PLEKHA3: variants seen among roughly 807,000 people sequenced by gnomAD.
The protein encoded by PLEKHA3 is pleckstrin homology domain containing A3.
Under a neutral mutation model 39.2 loss-of-function variants are expected in PLEKHA3, and 19 were observed. That is an observed-to-expected ratio of 0.48 (90% CI 0.34 to 0.71). The LOEUF (loss-of-function observed/expected upper bound fraction) is 0.71. Ranked by LOEUF, PLEKHA3 falls within the 30% of genes least tolerant of loss-of-function variation. PLEKHA3 has a pLI of 0.01. For synonymous variants in PLEKHA3, 97 were observed against 118.6 expected (o/e 0.82, Z 1.18); for missense variants, 253 against 359.5 (o/e 0.70, Z 2.40).
chr2:178,488,054 G>A (rs528837332), intron 2 of PLEKHA3, among the ~76,000 whole-genome samples: 1 of 151,892 alleles, frequency 6.6e-6, no homozygotes, highest in South Asian at 2.1e-4. Context: ...CAGGCAGATC[G>A]CTTGTGCTCA....
intron 5 of PLEKHA3, among the ~76,000 whole-genome samples, chr2:178,495,999 C>G (rs1461237529): frequency 1.3e-5 from 2 of 151,992 alleles, no homozygotes; most frequent in Middle Eastern, 3.2e-3. Flanking sequence ...AAGAATTACA[C>G]AATGGAATGA....
At chr2:178,488,360 T>C (rs1416320274) in intron 2 of PLEKHA3, among the ~76,000 whole-genome samples, 1 of 152,274 alleles carries the variant, frequency 6.6e-6, no homozygotes, top group Non-Finnish European at 1.5e-5. Context: ...ATTTCTTTTA[T>C]TGGATCCTTT....
At chr2:178,487,139 G>A (rs1685262894) in intron 2 of PLEKHA3, among the ~76,000 whole-genome samples, 1 of 152,178 alleles carries the variant, frequency 6.6e-6, no homozygotes, top group Non-Finnish European at 1.5e-5. Context: ...TAAAAGGTAA[G>A]TGGGGGGATT....
chr2:178,499,242 G>C lies in PLEKHA3; in HGVS notation c.647G>C (p.Cys216Ser), dbSNP rs143664011. Residue 216 changes from cysteine (C) to serine (S), a missense_variant, in exon 6 of 8, where the codon TGC (cysteine) becomes TCC (serine). Physicochemically the swap from Cys to Ser is moderately radical, Grantham distance 112. Coordinates refer to ENST00000234453, the MANE Select transcript of PLEKHA3 (RefSeq NM_019091.4). ...CGTTCTGTCAGCCACCCTGGTTCTT[G>C]CAGTTCAGAGAGGTAAAAGAACCTT... ...MKRSVSHPGS[C>S]SSERSSHSIK... 9 of 1,606,826 alleles carry C rather than the reference G, an allele frequency of 5.6e-6. No individual in the cohort carries two copies. In the African/African-American group the frequency reaches 1.2e-4, roughly 22 times the overall value.
chr2:178,489,484 G>A (rs1264604989), intron 2 of PLEKHA3, among the ~76,000 whole-genome samples: 1 of 128,136 alleles, frequency 7.8e-6, no homozygotes, highest in African/African-American at 3.0e-5. Context: ...TTGAGACAGG[G>A]TCTTGCTCTG....
In PLEKHA3 at chr2:178,511,954, C is replaced by G. The variant is rs1347834691; in HGVS notation, c.*8067C>G. 1 of 152,158 alleles carries G rather than the reference C, an allele frequency of 6.6e-6. No homozygotes were observed. The highest frequency in any genetic ancestry group is 1.5e-5 in the Non-Finnish European group (1 of 68,042). The allele number at this position is 152,158 out of a possible 1,614,324, so 9.4% of individuals were successfully genotyped here. ...CTTCCCCAAAAAGTTTTTTGTTGGT[C>G]TCTTTGGTAATAAAACATTTAGAGC... On this transcript the variant is annotated 3_prime_UTR_variant, in exon 8 of 8. Transcript: ENST00000234453.
At chr2:178,502,181 TTTA>T (rs1685536836) in intron 7 of PLEKHA3, among the ~76,000 whole-genome samples, 1 of 151,942 alleles carries the variant, frequency 6.6e-6, no homozygotes. Flanking sequence ...ATATGGCAAT[TTTA>T]AAAAGGATTG....
At position 178,506,637 on chromosome 2, in the gene PLEKHA3, C is replaced by A. The variant is rs1685603758; in HGVS notation, c.*2750C>A. 2.0e-5 allele frequency: 3 copies of A among 152,090 alleles called. No homozygotes were observed. The highest frequency in any genetic ancestry group is 1.3e-4 in the Admixed American group (2 of 15,268). The allele number at this position is 152,090 out of a possible 1,614,324, so 9.4% of individuals were successfully genotyped here. ...ATGCGCCCTTGTGATATGTTAATAC[C>A]AGATTGCTGTTTACACTAATTCCAT... On this transcript the variant is annotated 3_prime_UTR_variant, in exon 8 of 8. Coordinates refer to ENST00000234453, the MANE Select transcript of PLEKHA3 (RefSeq NM_019091.4).
rs996412366 is a variant in PLEKHA3, at chr2:178,506,733, T to G, written c.*2846T>G. The G allele has an allele frequency of 1.3e-5, 2 of 152,238 alleles. No homozygotes were observed. Among genetic ancestry groups the G allele is most frequent in the African/African-American group, 4.8e-5 (2 of 41,456 alleles). 9.4% of individuals were successfully genotyped at this position (152,238 alleles called of 1,614,324 possible). The stretch of plus-strand genomic sequence containing the variant: ...TAATAAGGCACCTCTAGGTCTGTAC[T>G]TTGAGCCTTGATCTGGGTACTTGGT... On this transcript the variant is annotated 3_prime_UTR_variant, in exon 8 of 8. Coordinates refer to ENST00000234453, the MANE Select transcript of PLEKHA3 (RefSeq NM_019091.4).
At chr2:178,497,188 A>G (rs1440612669) in intron 5 of PLEKHA3, among the ~76,000 whole-genome samples, 1 of 150,796 alleles carries the variant, frequency 6.6e-6, no homozygotes, top group Non-Finnish European at 1.5e-5. Context: ...CCCGTTATAT[A>G]TATACACAAA....
chr2:178,486,119 A>G (rs1685247493), intron 2 of PLEKHA3, among the ~76,000 whole-genome samples: 1 of 152,218 alleles, frequency 6.6e-6, no homozygotes, highest in Non-Finnish European at 1.5e-5. Context: ...CTGAACTCTA[A>G]AGATGATGGG....
chr2:178,502,157 G>A (rs979297940), intron 7 of PLEKHA3, among the ~76,000 whole-genome samples: 13 of 151,458 alleles, frequency 8.6e-5, no homozygotes, highest in African/African-American at 3.1e-4. Flanking sequence ...AAGTTAAACA[G>A]GTTTAGTTCA....
chr2:178,505,900 TTTGTTGTTA>T lies in PLEKHA3; in HGVS notation c.*2019_*2027del, dbSNP rs1157967641. ...CTTTTGTTATGACTTGGAGCCACTT[TTTGTTGTTA>T]TTGTTAGGAACCAAACACATCTGTG... On this transcript the variant is annotated 3_prime_UTR_variant, in exon 8 of 8. Transcript: ENST00000234453. 6.6e-6 allele frequency: 1 copy of T among 152,126 alleles called. No individual in the cohort carries two copies. The highest frequency in any genetic ancestry group is 2.4e-5 in the African/African-American group (1 of 41,438). 9.4% of individuals were successfully genotyped at this position (152,126 alleles called of 1,614,324 possible).
At chr2:178,495,750 G>A (rs2154127844) in intron 5 of PLEKHA3, 90 bp downstream of exon 5, 1 of 1,391,536 alleles carries the variant, frequency 7.2e-7, no homozygotes. Flanking sequence ...AAGGGTGGAA[G>A]CAGGCAGTTG....
intron 7 of PLEKHA3, chr2:178,502,443 G>A (rs1032202389): frequency 8.6e-6 from 3 of 347,752 alleles, no homozygotes; most frequent in Middle Eastern, 3.9e-4. Flanking sequence ...GAGGAGGAGG[G>A]TTAAAGAGGT....
chr2:178,503,897 A>C lies in PLEKHA3; in HGVS notation c.*10A>C, dbSNP rs998257239. The C allele has an allele frequency of 2.0e-5, 33 of 1,610,678 alleles. No individual in the cohort carries two copies. Among genetic ancestry groups the C allele is most frequent in the Non-Finnish European group, 2.7e-5 (32 of 1,177,654 alleles). On this transcript the variant is annotated 3_prime_UTR_variant, in exon 8 of 8. Transcript: ENST00000234453. ...ATCCTTCTCTTCCTGAAGAAACTGA[A>C]GTGTCCAACTTCCTCTAAGTATTGC...
intron 7 of PLEKHA3, among the ~76,000 whole-genome samples, chr2:178,501,807 G>A (rs1288601031): frequency 6.6e-6 from 1 of 151,898 alleles, no homozygotes; most frequent in East Asian, 1.9e-4. Flanking sequence ...CACAAATATA[G>A]TCTTATTATT....
chr2:178,502,647 C>A (rs1685542366), intron 7 of PLEKHA3, among the ~76,000 whole-genome samples: 1 of 150,798 alleles, frequency 6.6e-6, no homozygotes, highest in Non-Finnish European at 1.5e-5. Flanking sequence ...TTTTTTAAAG[C>A]CATCCATTTT....
intron 3 of PLEKHA3, among the ~76,000 whole-genome samples, chr2:178,492,131 T>A (rs1039845477): frequency 3.9e-5 from 6 of 152,300 alleles, no homozygotes; most frequent in Admixed American, 1.3e-4. Flanking sequence ...TTTTTCAAAA[T>A]TTTTTATTAA....
Sources: gnomAD v4.1 joint callset for allele counts (sites outside exome capture counted in the v4.1 genomes callset) on GRCh38, gnomAD v4.1.1 for gene constraint, MANE v1.5 for transcripts, NCBI Gene and HGNC (gene_info 2026-07-23, HGNC 2026-07-21) for gene names.